The following ANXA4 variants were observed in gnomAD, a reference collection of about 807,000 sequenced individuals.
The protein encoded by ANXA4 is annexin A4, also known as 35-beta calcimedin.
Under a neutral mutation model 49.8 loss-of-function variants are expected in ANXA4, and 39 were observed. The ratio of observed to expected loss-of-function variants is 0.78; its 90% CI spans 0.61 to 1.02. ANXA4 has a LOEUF of 1.02. Ranked by LOEUF, ANXA4 falls within the 50% of genes least tolerant of loss-of-function variation. The pLI is 0.00. For missense variants in ANXA4, 360 were observed against 410.1 expected, an observed-to-expected ratio of 0.88 and a Z score of 1.05; for synonymous variants, 134 against 152.5, an observed-to-expected ratio of 0.88 and a Z score of 0.89.
intron 2 of ANXA4, among the ~76,000 whole-genome samples, chr2:69,695,574 C>T (rs1280255263): frequency 1.3e-5 from 2 of 152,178 alleles, no homozygotes; most frequent in African/African-American, 2.4e-5. Context: ...ATGGAAGCAA[C>T]GAAGTGGAGG....
chr2:69,681,366 A>ATTTTTTTTTTTTTTTTTTT (rs35246948), intron 2 of ANXA4, among the ~76,000 whole-genome samples: 1 of 139,234 alleles, frequency 7.2e-6, no homozygotes, highest in African/African-American at 2.6e-5. Context: ...TTCATTTCTG[A>ATTTTTTTTTTTTTTTTTTT]TTTTTTTTTT....
At chr2:69,773,782 C>A (rs1223176512) in intron 1 of ANXA4, among the ~76,000 whole-genome samples, 1 of 151,634 alleles carries the variant, frequency 6.6e-6, no homozygotes, top group African/African-American at 2.4e-5. Context: ...CAGGCGTGCA[C>A]CACCACGCCT....
At chr2:69,679,275 A>G (rs1677515745) in intron 2 of ANXA4, among the ~76,000 whole-genome samples, 2 of 152,058 alleles carry the variant, frequency 1.3e-5, no homozygotes, top group Non-Finnish European at 1.5e-5. Flanking sequence ...TAGATGGACC[A>G]CAGGCATGTG....
upstream of ANXA4, chr2:69,643,998 C>T (rs79262051): frequency 6.6e-3 from 3,781 of 573,380 alleles, 136 homozygotes; most frequent in African/African-American, 0.069. Flanking sequence ...AAAGGTAGCT[C>T]GGCACAGTCC....
At position 69,802,970 on chromosome 2, in the gene ANXA4, G is replaced by A. The variant is rs183001742; in HGVS notation, c.98-1563G>A. On this transcript the variant is annotated intron_variant, in intron 3 of 12. Coordinates refer to ENST00000394295, the MANE Select transcript of ANXA4 (RefSeq NM_001153.5). ...TCAGCACTTTGGGAGGCTGAGGCAG[G>A]TGGATCGCCTGAGGTCAGGAGTTCA... 4.7e-4 allele frequency among the ~76,000 whole-genome samples: 71 copies of A among 152,160 alleles called. 1 individual carries two copies. The East Asian group carries it at 0.012, about 26-fold the overall frequency.
At chr2:69,714,190 C>G (rs1678791374) in intron 2 of ANXA4, among the ~76,000 whole-genome samples, 1 of 152,152 alleles carries the variant, frequency 6.6e-6, no homozygotes, top group African/African-American at 2.4e-5. Flanking sequence ...AGCCCTAGCT[C>G]TTTCCCACCT....
chr2:69,823,632 A>T (rs1027321145), intron 12 of ANXA4, among the ~76,000 whole-genome samples: 1 of 152,162 alleles, frequency 6.6e-6, no homozygotes, highest in African/African-American at 2.4e-5. Context: ...GGATCACGTT[A>T]TACTGACAAA....
chr2:69,825,066 C>CAAAAAA (rs10565929), intron 12 of ANXA4, among the ~76,000 whole-genome samples: 4 of 52,814 alleles, frequency 7.6e-5, no homozygotes, highest in African/African-American at 2.5e-4. Context: ...GACTCTGTCT[C>CAAAAAA]AAAAAAAAAA....
At chr2:69,713,355 C>T (rs1467856965) in intron 2 of ANXA4, among the ~76,000 whole-genome samples, 1 of 151,954 alleles carries the variant, frequency 6.6e-6, no homozygotes, top group African/African-American at 2.4e-5. Flanking sequence ...AAGGAAGAAG[C>T]GATATGTGGA....
intron 2 of ANXA4, among the ~76,000 whole-genome samples, chr2:69,662,301 C>T (rs1286293640): frequency 1.3e-5 from 2 of 152,186 alleles, no homozygotes; most frequent in Non-Finnish European, 2.9e-5. Context: ...TACTCCAAGA[C>T]ATCCAGGCAG....
At chr2:69,762,698 G>C (rs773694867) in intron 1 of ANXA4, among the ~76,000 whole-genome samples, 3 of 152,052 alleles carry the variant, frequency 2.0e-5, no homozygotes, top group Non-Finnish European at 4.4e-5. Flanking sequence ...CATGATTCGC[G>C]CCCCAACACC....
chr2:69,653,317 G>A lies in ANXA4; in HGVS notation n.766+35G>A, dbSNP rs1042118364. On this transcript the variant is annotated intron_variant and non_coding_transcript_variant, in intron 2 of 3. Coordinates refer to the ANXA4 transcript ENST00000418066. ...GAAATGGAGAATAAATGTGAAGTATGCGTAAATGATATATGATTTACAGTC... is the reference window on the plus strand; with the variant it reads ...GAAATGGAGAATAAATGTGAAGTATACGTAAATGATATATGATTTACAGTC... 8 of 152,226 alleles carry A rather than the reference G, an allele frequency of 5.3e-5. No homozygotes were observed. In the South Asian group the frequency reaches 6.2e-4, roughly 12 times the overall value. 9.4% of individuals were successfully genotyped at this position (152,226 alleles called of 1,614,324 possible).
intron 1 of ANXA4, among the ~76,000 whole-genome samples, chr2:69,648,863 A>T (rs1221581804): frequency 6.9e-6 from 1 of 145,640 alleles, no homozygotes; most frequent in Non-Finnish European, 1.5e-5. Flanking sequence ...GATTTTTTTA[A>T]TTTTTAATTT....
At chr2:69,648,753 G>A (rs544630206) in intron 1 of ANXA4, among the ~76,000 whole-genome samples, 60 of 149,000 alleles carry the variant, frequency 4.0e-4, no homozygotes, top group African/African-American at 1.3e-3. Flanking sequence ...CCCAGGAGGC[G>A]GAGCTTGCAG....
intron 1 of ANXA4, among the ~76,000 whole-genome samples, chr2:69,651,627 G>T (rs898530071): frequency 9.4e-5 from 14 of 149,632 alleles, no homozygotes; most frequent in Admixed American, 6.7e-5. Context: ...CTCGGCCTCC[G>T]GAGTAGCTGG....
chr2:69,724,185 C>T (rs2105433716), intron 3 of ANXA4, among the ~76,000 whole-genome samples: 1 of 152,320 alleles, frequency 6.6e-6, no homozygotes, highest in Non-Finnish European at 1.5e-5. Context: ...TATCCAAATA[C>T]CTTAAGGATA....
intron 2 of ANXA4, among the ~76,000 whole-genome samples, chr2:69,679,269 T>TG (rs72312529): frequency 0.17 from 25,626 of 152,098 alleles, 2,625 homozygotes; most frequent in East Asian, 0.37. Context: ...CCCAAGTAGA[T>TG]GGACCACAGG....
At chr2:69,793,010 T>C (rs892429846) in intron 3 of ANXA4, among the ~76,000 whole-genome samples, 1 of 151,276 alleles carries the variant, frequency 6.6e-6, no homozygotes, top group African/African-American at 2.4e-5. Flanking sequence ...TCCCAGCACT[T>C]TGGGAGGCCA....
chr2:69,740,855 G>GTT (rs10718417), upstream of ANXA4, among the ~76,000 whole-genome samples: 1,316 of 98,284 alleles, frequency 0.013, 21 homozygotes, highest in African/African-American at 0.022. Flanking sequence ...CTATATATAT[G>GTT]TTTTTTTTTT....
Sources: allele counts gnomAD v4.1 joint callset (sites outside exome capture counted in the v4.1 genomes callset), GRCh38; gene constraint gnomAD v4.1.1; transcripts MANE v1.5; gene names NCBI Gene and HGNC (gene_info 2026-07-23, HGNC 2026-07-21).